KCNK2: variants seen among roughly 807,000 people sequenced by gnomAD.
KCNK2 encodes the protein potassium channel subfamily K member 2.
In KCNK2, 21 loss-of-function variants were observed where a neutral mutation model predicts 40.5. The ratio of observed to expected loss-of-function variants is 0.52; its 90% CI spans 0.37 to 0.75. The LOEUF (loss-of-function observed/expected upper bound fraction) is 0.75, where lower values mean the gene tolerates loss of function less well. Among genes scored for constraint, KCNK2 ranks in the 30% least tolerant of loss-of-function variants. The pLI is 0.00. For synonymous variants in KCNK2, 191 were observed against 202.2 expected (o/e 0.94, Z 0.47); for missense variants, 399 against 531.6 (o/e 0.75, Z 2.45).
intron 6 of KCNK2, among the ~76,000 whole-genome samples, chr1:215,230,868 AG>A (rs1448376829): frequency 6.6e-6 from 1 of 152,098 alleles, no homozygotes. Flanking sequence ...AGAAAAAAAA[AG>A]TTTCCAAAAT....
At chr1:215,065,885 A>C (rs561722467) in intron 1 of KCNK2, among the ~76,000 whole-genome samples, 1 of 152,278 alleles carries the variant, frequency 6.6e-6, no homozygotes, top group South Asian at 2.1e-4. Context: ...AGTCCCACCT[A>C]CTCAGGAAGC....
chr1:215,234,721 C>T, intron 6 of KCNK2, 107 bp from the exon 7 acceptor site: 1 of 1,051,344 alleles, frequency 9.5e-7, no homozygotes, highest in East Asian at 2.4e-5. Flanking sequence ...AAAGACTACT[C>T]CACTCTTCTT....
rs184391839 is a variant in KCNK2, at chr1:215,219,216, T to C, written c.964-15612T>C. ...GTGTGGCTGTAAAACGTACCTGAGATTGGATAATTCATAAAGAAAAGAGGT... is the reference window on the plus strand; with the variant it reads ...GTGTGGCTGTAAAACGTACCTGAGACTGGATAATTCATAAAGAAAAGAGGT... On this transcript the variant is annotated intron_variant, in intron 6 of 6. Coordinates refer to ENST00000444842, the MANE Select transcript of KCNK2 (RefSeq NM_001017425.3). Among the ~76,000 whole-genome samples the C allele has an allele frequency of 6.1e-4, 93 of 152,266 alleles. 1 individual carries two copies. Among genetic ancestry groups the C allele is most frequent in the African/African-American group, 2.1e-3 (86 of 41,564 alleles).
chr1:215,012,732 T>C (rs1343563483), intron 1 of KCNK2, among the ~76,000 whole-genome samples: 2 of 151,532 alleles, frequency 1.3e-5, no homozygotes, highest in African/African-American at 2.4e-5. Context: ...TAACTGGACA[T>C]TTGCTTCCTT....
intron 3 of KCNK2, among the ~76,000 whole-genome samples, chr1:215,144,212 T>G (rs1662312619): frequency 6.6e-6 from 1 of 152,202 alleles, no homozygotes; most frequent in African/African-American, 2.4e-5. Flanking sequence ...TGAAGATATT[T>G]GTCAAAATAA....
intron 1 of KCNK2, among the ~76,000 whole-genome samples, chr1:215,016,755 C>T (rs1354775931): frequency 6.6e-6 from 1 of 152,028 alleles, no homozygotes; most frequent in Non-Finnish European, 1.5e-5. Flanking sequence ...AATGGAATTA[C>T]ATCAAACTGA....
chr1:215,148,636 A>G (rs1041015117), intron 3 of KCNK2, among the ~76,000 whole-genome samples: 3 of 152,210 alleles, frequency 2.0e-5, no homozygotes, highest in African/African-American at 7.2e-5. Context: ...AATAATTCCC[A>G]GAGATTCTCT....
At chr1:215,226,386 CGTG>C in intron 6 of KCNK2, among the ~76,000 whole-genome samples, 1 of 152,134 alleles carries the variant, frequency 6.6e-6, no homozygotes, top group African/African-American at 2.4e-5. Flanking sequence ...AGCGCAGTGG[CGTG>C]ATCTCGGCTC....
intron 2 of KCNK2, among the ~76,000 whole-genome samples, chr1:215,090,178 G>A (rs1659634397): frequency 6.6e-6 from 1 of 152,026 alleles, no homozygotes; most frequent in African/African-American, 2.4e-5. Context: ...AAATTTAATT[G>A]GCACTTACTA....
chr1:215,202,229 C>T (rs556700595), intron 6 of KCNK2, among the ~76,000 whole-genome samples: 1 of 152,266 alleles, frequency 6.6e-6, no homozygotes, highest in South Asian at 2.1e-4. Context: ...ACAAAAGACC[C>T]GTCTTCTCTT....
chr1:215,086,995 C>T (rs1263960403), intron 2 of KCNK2, among the ~76,000 whole-genome samples: 1 of 152,176 alleles, frequency 6.6e-6, no homozygotes, highest in Non-Finnish European at 1.5e-5. Context: ...TTTGCCCTGT[C>T]TTAGAAGTGC....
chr1:215,230,533 G>GACATATA (rs1558150327), intron 6 of KCNK2, among the ~76,000 whole-genome samples: 1 of 62,532 alleles, frequency 1.6e-5, no homozygotes, highest in African/African-American at 6.2e-5. Flanking sequence ...ATATATATAT[G>GACATATA]TATATATATA....
At chr1:215,115,529 T>G (rs888837726) in intron 2 of KCNK2, among the ~76,000 whole-genome samples, 1 of 152,102 alleles carries the variant, frequency 6.6e-6, no homozygotes, top group South Asian at 2.1e-4. Context: ...AGGTACTGTC[T>G]CCCTGATCTC....
intron 1 of KCNK2, among the ~76,000 whole-genome samples, chr1:215,059,547 T>C (rs1483239705): frequency 6.6e-6 from 1 of 152,198 alleles, no homozygotes; most frequent in Non-Finnish European, 1.5e-5. Flanking sequence ...CACACAGTTC[T>C]CCCAAGTCAG....
At chr1:215,069,484 C>T (rs1658674142) in intron 1 of KCNK2, among the ~76,000 whole-genome samples, 1 of 152,220 alleles carries the variant, frequency 6.6e-6, no homozygotes. Context: ...TAATTGGCCT[C>T]CTCCTTTTTG....
intron 1 of KCNK2, among the ~76,000 whole-genome samples, chr1:215,068,054 T>C (rs1356495044): frequency 1.3e-5 from 2 of 151,760 alleles, no homozygotes; most frequent in African/African-American, 2.4e-5. Context: ...TTTTTCTTTT[T>C]TTTTTTTTTA....
chr1:215,178,154 G>C (rs978307083), intron 5 of KCNK2, among the ~76,000 whole-genome samples: 2 of 151,660 alleles, frequency 1.3e-5, no homozygotes, highest in African/African-American at 4.8e-5. Flanking sequence ...CCTTAATTTG[G>C]CTCTGATATT....
At chr1:215,226,825 T>TA (rs1666405065) in intron 6 of KCNK2, among the ~76,000 whole-genome samples, 1 of 152,166 alleles carries the variant, frequency 6.6e-6, no homozygotes, top group Non-Finnish European at 1.5e-5. Context: ...TTCTTCACTT[T>TA]GAGAATGAGA....
At chr1:215,218,839 C>T (rs1666058058) in intron 6 of KCNK2, among the ~76,000 whole-genome samples, 1 of 152,122 alleles carries the variant, frequency 6.6e-6, no homozygotes, top group South Asian at 2.1e-4. Context: ...ACTACTGTTT[C>T]TGTACTAATA....
Sources: gnomAD v4.1 joint callset for allele counts (sites outside exome capture counted in the v4.1 genomes callset) on GRCh38, gnomAD v4.1.1 for gene constraint, MANE v1.5 for transcripts, NCBI Gene and HGNC (gene_info 2026-07-23, HGNC 2026-07-21) for gene names.